The following THOC1 variants were observed in gnomAD, a reference collection of about 807,000 sequenced individuals.
The protein encoded by THOC1 is THO complex 1.
In THOC1, 29 loss-of-function variants were observed where a neutral mutation model predicts 97.3. The ratio of observed to expected loss-of-function variants is 0.30; its 90% CI spans 0.22 to 0.41. The LOEUF is 0.41. Ranked by LOEUF, THOC1 falls within the 10% of genes least tolerant of loss-of-function variation. The pLI is 1.00. For missense variants in THOC1, 529 were observed against 761.9 expected, an observed-to-expected ratio of 0.69 and a Z score of 3.60; for synonymous variants, 255 against 257.0, an observed-to-expected ratio of 0.99 and a Z score of 0.07.
Position 224,109 on chromosome 18 carries a change from G to A in THOC1, c.1279C>T (p.Pro427Ser). The A allele has an allele frequency of 6.2e-7, 1 of 1,609,874 alleles. No individual in the cohort carries two copies. Residue 427 changes from proline (P) to serine (S), a missense_variant, in exon 16 of 21, where the codon CCC (proline) becomes TCC (serine). By Grantham distance (74) the Pro-to-Ser change is moderately conservative. Around this residue, in one of 8 missense-constraint regions of THOC1, gnomAD observed 123 missense variants for 159.0 expected, o/e 0.77. Coordinates refer to ENST00000261600, the MANE Select transcript of THOC1 (RefSeq NM_005131.3). ...TAPEDFLGKG[P>S]TKKILMGNEE... is the part of the protein sequence containing the mutation. ...TTTCCCATCAGAATTTTTTTGGTGG[G>A]TCCTTTCCCTAGGAAGTCCTCGGGT...
intron 8 of THOC1, 74 bp from the exon 9 acceptor site, chr18:252,686 G>A: frequency 7.8e-7 from 1 of 1,285,012 alleles, no homozygotes; most frequent in Non-Finnish European, 1.1e-6. Context: ...TAGAATAAGT[G>A]GTCAGTTACA....
chr18:224,829 T>C, intron 15 of THOC1, 95 bp downstream of exon 15: 1 of 983,648 alleles, frequency 1.0e-6, no homozygotes, highest in Non-Finnish European at 1.5e-6. Flanking sequence ...CATGTATTTT[T>C]ACATGCTATA....
chr18:264,241 A>G, intron 3 of THOC1, 149 bp from the exon 4 acceptor site: 2 of 604,902 alleles, frequency 3.3e-6, no homozygotes, highest in Non-Finnish European at 5.7e-6. Context: ...TCTAATATGA[A>G]GTTACCAAAA....
rs1226502096 is a variant in THOC1 at position 254,657 on chromosome 18, C to T, written c.521-302G>A. On this transcript the variant is annotated intron_variant, in intron 7 of 20. Coordinates refer to ENST00000261600, the MANE Select transcript of THOC1 (RefSeq NM_005131.3). The surrounding 1 kb of genome is among the most constrained non-coding windows in gnomAD (Gnocchi z 4.1). ...CAGCATATGCTCACTTCCTCTGTCA[C>T]ATTTTGGTAATTCTCACAATATTTC... Among the ~76,000 whole-genome samples the T allele has an allele frequency of 1.3e-5, 2 of 152,114 alleles. No homozygotes were observed. The highest frequency in any genetic ancestry group is 2.9e-5 in the Non-Finnish European group (2 of 68,028).
intron 20 of THOC1, 50 bp downstream of exon 20, chr18:215,378 AC>A: frequency 7.2e-7 from 1 of 1,395,552 alleles, no homozygotes; most frequent in Non-Finnish European, 1.0e-6. Context: ...TCAACAAAGA[AC>A]CCCAATCGTC....
At chr18:259,602 A>G (rs552013029) in intron 6 of THOC1, 80 bp downstream of exon 6, 4 of 1,017,152 alleles carry the variant, frequency 3.9e-6, no homozygotes, top group Non-Finnish European at 5.9e-6. Context: ...AAATGTTATC[A>G]CTGGTATTTA....
chr18:233,318 G>C (rs1000342237), intron 11 of THOC1, among the ~76,000 whole-genome samples: 18 of 152,232 alleles, frequency 1.2e-4, no homozygotes, highest in African/African-American at 4.1e-4. Flanking sequence ...CAGGCCTGGT[G>C]GCTCACACCT....
At chr18:231,594 C>A (rs1911487107) in intron 11 of THOC1, among the ~76,000 whole-genome samples, 2 of 152,110 alleles carry the variant, frequency 1.3e-5, no homozygotes, top group South Asian at 4.1e-4. Flanking sequence ...ATACAACATT[C>A]ATGTACCCAC....
chr18:263,865 G>A (rs2143307713), intron 4 of THOC1, 161 bp downstream of exon 4: 1 of 591,388 alleles, frequency 1.7e-6, no homozygotes, highest in South Asian at 2.2e-5. Flanking sequence ...AAATAAGAGT[G>A]AACTAATTCA....
intron 10 of THOC1, 69 bp from the exon 11 acceptor site, chr18:246,524 A>C (rs529414586): frequency 3.7e-6 from 5 of 1,359,494 alleles, no homozygotes; most frequent in Non-Finnish European, 5.1e-6. Flanking sequence ...TTCTGCATCA[A>C]AATGCCTAGA....
At chr18:238,728 C>T (rs375335708) in intron 11 of THOC1, among the ~76,000 whole-genome samples, 89 of 152,262 alleles carry the variant, frequency 5.8e-4, no homozygotes, top group African/African-American at 1.8e-3. Flanking sequence ...TATGTGGTGC[C>T]ATTATGGGGT....
At chr18:223,298 G>T in intron 17 of THOC1, 142 bp downstream of exon 17, 1 of 568,708 alleles carries the variant, frequency 1.8e-6, no homozygotes, top group Non-Finnish European at 3.1e-6. Context: ...TTTTATGGTG[G>T]GAAGTTACAC....
intron 1 of THOC1, 107 bp downstream of exon 1, chr18:267,859 C>T (rs1346552457): frequency 1.7e-6 from 2 of 1,185,702 alleles, no homozygotes; most frequent in Non-Finnish European, 2.3e-6. Context: ...CTGAGGCGGA[C>T]ACACCTCTGT....
At chr18:239,664 A>C (rs1463725426) in intron 11 of THOC1, among the ~76,000 whole-genome samples, 1 of 152,208 alleles carries the variant, frequency 6.6e-6, no homozygotes, top group Non-Finnish European at 1.5e-5. Context: ...TTTGTTCTTC[A>C]TAACACTCAG....
intron 11 of THOC1, chr18:244,894 T>G (rs1912034715): frequency 6.6e-6 from 1 of 151,788 alleles, no homozygotes; most frequent in Non-Finnish European, 1.5e-5. Context: ...GCTTGCTGGA[T>G]GAAGTTCTCA....
intron 5 of THOC1, 43 bp from the exon 6 acceptor site, chr18:259,773 T>C (rs1315374939): frequency 7.0e-7 from 1 of 1,430,014 alleles, no homozygotes; most frequent in Non-Finnish European, 9.5e-7. Flanking sequence ...CAGAACTTGT[T>C]ACACATTCTT....
chr18:263,439 T>C (rs940269964), intron 4 of THOC1: 4 of 152,468 alleles, frequency 2.6e-5, no homozygotes, highest in African/African-American at 9.7e-5. Flanking sequence ...CCTGCTTCTT[T>C]CCTCATCATT....
rs1460350273 is a variant in THOC1, at chr18:262,333, G to C, written c.256+1693C>G. Among the ~76,000 whole-genome samples the C allele has an allele frequency of 3.3e-5, 5 of 152,162 alleles. No homozygotes were observed. In the East Asian group the frequency reaches 9.6e-4, roughly 29 times the overall value. On this transcript the variant is annotated intron_variant, in intron 4 of 20. Transcript: ENST00000261600. ...AACCAGTAGCATCTCACACTGAATA[G>C]AAGCTCAATAAATATCGGCCAAATT...
At chr18:251,007 AT>A (rs1431211356) in intron 9 of THOC1, among the ~76,000 whole-genome samples, 18 of 152,326 alleles carry the variant, frequency 1.2e-4, no homozygotes, top group African/African-American at 3.4e-4. Context: ...CTAAAAAAAA[AT>A]AATAACGATA....
Sources: gnomAD v4.1 joint callset for allele counts (sites outside exome capture counted in the v4.1 genomes callset) on GRCh38, gnomAD v4.1.1 for gene constraint, gnomAD v4.1.1 regional missense constraint, Gnocchi (gnomAD v3.1) non-coding constraint, MANE v1.5 for transcripts, NCBI Gene and HGNC (gene_info 2026-07-23, HGNC 2026-07-21) for gene names.